The following SUPT3H variants were observed in gnomAD, a reference collection of about 807,000 sequenced individuals.
SUPT3H encodes the protein SPT3 homolog, SAGA and STAGA complex component, also known as transcription initiation protein SPT3 homolog.
SUPT3H carries 44 observed loss-of-function variants against 44.3 expected under a neutral mutation model. The ratio of observed to expected loss-of-function variants is 0.99; its 90% confidence interval spans 0.78 to 1.28. The LOEUF (loss-of-function observed/expected upper bound fraction) is 1.28, where lower values mean the gene tolerates loss of function less well. Ranked by LOEUF, SUPT3H falls within the 50% of genes most tolerant of loss-of-function variation. The pLI is 0.00. For missense variants in SUPT3H, 380 were observed against 387.1 expected (o/e 0.98, Z 0.15); for synonymous variants, 124 against 125.6 (o/e 0.99, Z 0.09).
At chr6:45,090,999 C>A (rs140714519) in intron 3 of SUPT3H, among the ~76,000 whole-genome samples, 3 of 151,932 alleles carry the variant, frequency 2.0e-5, no homozygotes, top group Non-Finnish European at 4.4e-5. Context: ...CCAAAGCAAG[C>A]AATAATATGG....
chr6:44,996,597 T>C (rs569678243), intron 6 of SUPT3H, among the ~76,000 whole-genome samples: 58 of 151,934 alleles, frequency 3.8e-4, no homozygotes, highest in Non-Finnish European at 7.5e-4. Context: ...CAAAACCCTC[T>C]GAAAATTCCT....
intron 2 of SUPT3H, among the ~76,000 whole-genome samples, chr6:45,249,718 T>C (rs1366040399): frequency 6.6e-6 from 1 of 152,088 alleles, no homozygotes; most frequent in African/African-American, 2.4e-5. Flanking sequence ...CATGCCACTA[T>C]TCCTTCACCA....
intron 2 of SUPT3H, among the ~76,000 whole-genome samples, chr6:45,271,171 A>G (rs1294418461): frequency 2.0e-5 from 3 of 152,156 alleles, no homozygotes; most frequent in African/African-American, 7.2e-5. Context: ...AGAAAATCCC[A>G]TTTTCTGGGG....
intron 2 of SUPT3H, among the ~76,000 whole-genome samples, chr6:45,200,962 G>T (rs1043543039): frequency 4.0e-5 from 6 of 151,438 alleles, no homozygotes; most frequent in African/African-American, 1.5e-4. Flanking sequence ...AAACAGTCAT[G>T]TGTACAAATA....
chr6:44,980,846 G>C (rs528504645), intron 6 of SUPT3H, among the ~76,000 whole-genome samples: 1 of 152,276 alleles, frequency 6.6e-6, no homozygotes, highest in East Asian at 1.9e-4. Context: ...AGAGGATAAG[G>C]AGAAGGCAAA....
chr6:44,897,714 A>G (rs1434988903), intron 10 of SUPT3H, among the ~76,000 whole-genome samples: 1 of 152,190 alleles, frequency 6.6e-6, no homozygotes, highest in East Asian at 1.9e-4. Context: ...TCCTGGGGAT[A>G]CAACAGCGAG....
chr6:45,282,766 T>G (rs919736102), intron 2 of SUPT3H, among the ~76,000 whole-genome samples: 1 of 151,954 alleles, frequency 6.6e-6, no homozygotes, highest in African/African-American at 2.4e-5. Flanking sequence ...GAAGAGCAAC[T>G]CCAAGACACA....
intron 10 of SUPT3H, among the ~76,000 whole-genome samples, chr6:44,861,997 C>T (rs940512685): frequency 2.0e-5 from 3 of 152,142 alleles, no homozygotes; most frequent in Non-Finnish European, 2.9e-5. Context: ...CTCTGATGTT[C>T]GCTTAAAAGC....
intron 2 of SUPT3H, among the ~76,000 whole-genome samples, chr6:45,340,722 C>T (rs1407350355): frequency 6.6e-6 from 1 of 152,010 alleles, no homozygotes; most frequent in Admixed American, 6.6e-5. Context: ...CACATATATA[C>T]TCTATGTGAT....
At chr6:44,945,445 A>G (rs1281393093) in intron 9 of SUPT3H, among the ~76,000 whole-genome samples, 2 of 152,184 alleles carry the variant, frequency 1.3e-5, no homozygotes, top group Non-Finnish European at 2.9e-5. Flanking sequence ...TCTTGCCCCA[A>G]ATAGCCAAGC....
intron 6 of SUPT3H, among the ~76,000 whole-genome samples, chr6:44,988,768 C>A (rs1388107665): frequency 6.6e-6 from 1 of 151,964 alleles, no homozygotes; most frequent in African/African-American, 2.4e-5. Context: ...CATGTATTTC[C>A]AGAAAGCTGT....
At chr6:44,997,040 T>C (rs1475837351) in intron 6 of SUPT3H, among the ~76,000 whole-genome samples, 1 of 151,760 alleles carries the variant, frequency 6.6e-6, no homozygotes, top group Non-Finnish European at 1.5e-5. Context: ...CGTAGTTTCA[T>C]GGAATCTTAT....
chr6:45,284,731 C>T (rs544476928), intron 2 of SUPT3H, among the ~76,000 whole-genome samples: 2 of 152,270 alleles, frequency 1.3e-5, no homozygotes, highest in Non-Finnish European at 2.9e-5. Context: ...GGAATCCTCC[C>T]TAACTCATTT....
At chr6:45,343,002 G>C (rs1027197491) in intron 2 of SUPT3H, among the ~76,000 whole-genome samples, 2 of 152,132 alleles carry the variant, frequency 1.3e-5, no homozygotes, top group Non-Finnish European at 2.9e-5. Flanking sequence ...TAAGCTCCCT[G>C]TGTCTCAATT....
At chr6:44,898,480 T>TG (rs1352911365) in intron 10 of SUPT3H, among the ~76,000 whole-genome samples, 2 of 152,204 alleles carry the variant, frequency 1.3e-5, no homozygotes, top group African/African-American at 4.8e-5. Flanking sequence ...AGTGAACAGC[T>TG]GGCTGACATC....
intron 2 of SUPT3H, among the ~76,000 whole-genome samples, chr6:45,351,796 T>C (rs1410724425): frequency 1.3e-5 from 2 of 152,112 alleles, no homozygotes; most frequent in Admixed American, 1.3e-4. Context: ...GCCCTTCAAA[T>C]ACCTAAATTA....
At chr6:45,044,599 T>C (rs779742296) in intron 3 of SUPT3H, among the ~76,000 whole-genome samples, 2 of 152,176 alleles carry the variant, frequency 1.3e-5, no homozygotes, top group Non-Finnish European at 2.9e-5. Flanking sequence ...ATACCAGGAA[T>C]TTAATTATGG....
At chr6:45,376,924 T>C (rs569842699) in intron 1 of SUPT3H, among the ~76,000 whole-genome samples, 1 of 151,752 alleles carries the variant, frequency 6.6e-6, no homozygotes, top group African/African-American at 2.4e-5. Context: ...CACACATTTC[T>C]TTCTACCGAA....
rs189814255 is a variant in SUPT3H at position 45,275,657 on chromosome 6, T to C, written c.101+89544A>G. Among the ~76,000 whole-genome samples the C allele has an allele frequency of 4.3e-4, 65 of 152,292 alleles. 1 individual carries two copies. Among genetic ancestry groups the C allele is most frequent in the Non-Finnish European group, 7.4e-5 (5 of 67,994 alleles). Reference sequence around the variant, plus strand: ...TAAATAAGGCCTGTAATTTAGTTAATAGTATGATAAAACATAGCATTTCCT... The same window carrying C: ...TAAATAAGGCCTGTAATTTAGTTAACAGTATGATAAAACATAGCATTTCCT... On this transcript the variant is annotated intron_variant, in intron 2 of 10. Coordinates refer to ENST00000371459, the MANE Select transcript of SUPT3H (RefSeq NM_003599.4).
Sources: gnomAD v4.1 joint callset for allele counts (sites outside exome capture counted in the v4.1 genomes callset) on GRCh38, gnomAD v4.1.1 for gene constraint, MANE v1.5 for transcripts, NCBI Gene and HGNC (gene_info 2026-07-23, HGNC 2026-07-21) for gene names.